CPPED1: variants seen among roughly 807,000 people sequenced by gnomAD.
The protein encoded by CPPED1 is serine/threonine-protein phosphatase CPPED1.
A neutral mutation model predicts 28.0 loss-of-function variants in CPPED1; 28 were observed. The ratio of observed to expected loss-of-function variants is 1.00; its 90% CI spans 0.74 to 1.37. The LOEUF (loss-of-function observed/expected upper bound fraction) is 1.37. CPPED1 is among the 40% of genes most tolerant of loss of function. CPPED1 has a pLI of 0.00. For synonymous variants in CPPED1, 198 were observed against 180.2 expected (o/e 1.10, Z -0.79); for missense variants, 504 against 416.5 (o/e 1.21, Z -1.83).
chr16:12,707,842 C>T (rs758912467), intron 2 of CPPED1, among the ~76,000 whole-genome samples: 26 of 152,118 alleles, frequency 1.7e-4, no homozygotes, highest in Non-Finnish European at 3.4e-4. Flanking sequence ...CCCTAAATTT[C>T]CTTCAGCAAA....
chr16:12,699,237 G>A (rs2141183673), intron 3 of CPPED1, among the ~76,000 whole-genome samples: 1 of 152,284 alleles, frequency 6.6e-6, no homozygotes, highest in East Asian at 1.9e-4. Flanking sequence ...GTGAAATGAA[G>A]ACAGAAAATA....
At chr16:12,704,453 G>T (rs1302805327) in intron 3 of CPPED1, among the ~76,000 whole-genome samples, 171 bp downstream of exon 3, 3 of 152,182 alleles carry the variant, frequency 2.0e-5, no homozygotes, top group Non-Finnish European at 4.4e-5. Context: ...TGAGGCACAG[G>T]AGGATTAACT....
At chr16:12,688,114 C>T (rs567931608) in intron 3 of CPPED1, among the ~76,000 whole-genome samples, 64 of 151,486 alleles carry the variant, frequency 4.2e-4, no homozygotes, top group African/African-American at 7.0e-4. Context: ...ACTGCAGCCT[C>T]GACCACCCCA....
At chr16:12,729,822 C>G (rs2080188294) in intron 2 of CPPED1, among the ~76,000 whole-genome samples, 1 of 152,162 alleles carries the variant, frequency 6.6e-6, no homozygotes, top group Non-Finnish European at 1.5e-5. Context: ...AATTTGGAAA[C>G]TGGAAAGTAC....
At chr16:12,798,998 A>G (rs1256243995) in intron 1 of CPPED1, among the ~76,000 whole-genome samples, 1 of 152,186 alleles carries the variant, frequency 6.6e-6, no homozygotes, top group Non-Finnish European at 1.5e-5. Context: ...TGTCACACAT[A>G]CCACTACTGG....
chr16:12,715,215 CAG>C (rs2080101185), intron 2 of CPPED1, among the ~76,000 whole-genome samples: 1 of 152,130 alleles, frequency 6.6e-6, no homozygotes, highest in South Asian at 2.1e-4. Flanking sequence ...AGTTTGAAAT[CAG>C]AAACTGTGAG....
At position 12,664,846 on chromosome 16, in the gene CPPED1, A is replaced by T. The variant is rs755026639; in HGVS notation, c.*40T>A. Reference sequence around the variant, plus strand: ...GCTGCTGTTTCTGGCAAAATAAAAAAATAGTGCAAGTGAAAAGTGAACGGG... The same window carrying T: ...GCTGCTGTTTCTGGCAAAATAAAAATATAGTGCAAGTGAAAAGTGAACGGG... On this transcript the variant is annotated 3_prime_UTR_variant, in exon 4 of 4. Transcript: ENST00000381774. This position sits in a 1 kb window ranked among gnomAD's most constrained non-coding sequence, Gnocchi z 4.2. The T allele has an allele frequency of 3.1e-6, 5 of 1,607,200 alleles. No homozygotes were observed. Among genetic ancestry groups the T allele is most frequent in the Non-Finnish European group, 4.2e-6 (5 of 1,178,250 alleles).
chr16:12,714,126 C>A (rs192286713), intron 2 of CPPED1, among the ~76,000 whole-genome samples: 1 of 152,282 alleles, frequency 6.6e-6, no homozygotes, highest in Non-Finnish European at 1.5e-5. Context: ...TCTTTAATTG[C>A]TGAATACTAT....
At chr16:12,785,487 C>T (rs1225733139) in intron 1 of CPPED1, among the ~76,000 whole-genome samples, 2 of 147,510 alleles carry the variant, frequency 1.4e-5, no homozygotes, top group Non-Finnish European at 3.0e-5. Flanking sequence ...CAGTGCAATG[C>T]TGCAATCTCT....
chr16:12,786,650 G>A (rs1184876819), intron 1 of CPPED1, among the ~76,000 whole-genome samples: 2 of 152,186 alleles, frequency 1.3e-5, no homozygotes, highest in African/African-American at 4.8e-5. Flanking sequence ...GTTGGGCATG[G>A]TGGCTCACAC....
At chr16:12,762,446 T>C (rs2080415163) in intron 2 of CPPED1, among the ~76,000 whole-genome samples, 1 of 152,194 alleles carries the variant, frequency 6.6e-6, no homozygotes, top group Non-Finnish European at 1.5e-5. Context: ...TTCTAAGAAT[T>C]TATCTCATAG....
chr16:12,734,981 A>C (rs538066458), intron 2 of CPPED1, among the ~76,000 whole-genome samples: 1 of 152,294 alleles, frequency 6.6e-6, no homozygotes, highest in East Asian at 1.9e-4. Flanking sequence ...AGGGAGGCTC[A>C]AGACAGATCT....
chr16:12,688,905 A>G (rs972096414), intron 3 of CPPED1, among the ~76,000 whole-genome samples: 9 of 152,256 alleles, frequency 5.9e-5, no homozygotes, highest in African/African-American at 1.9e-4. Context: ...CACGACACAC[A>G]GTCACATGTG....
intron 2 of CPPED1, among the ~76,000 whole-genome samples, chr16:12,724,914 G>C (rs1235419034): frequency 2.0e-5 from 3 of 151,912 alleles, no homozygotes; most frequent in Non-Finnish European, 4.4e-5. Context: ...AGCCTCCCGA[G>C]TAGCTGGGAC....
At chr16:12,723,414 G>C (rs1378147571) in intron 2 of CPPED1, among the ~76,000 whole-genome samples, 6 of 152,204 alleles carry the variant, frequency 3.9e-5, no homozygotes, top group Non-Finnish European at 8.8e-5. Flanking sequence ...AGGTAAGTAA[G>C]TTAAAGTGAG....
intron 1 of CPPED1, among the ~76,000 whole-genome samples, chr16:12,800,561 T>A (rs1262302915): frequency 1.3e-5 from 2 of 152,218 alleles, no homozygotes; most frequent in Non-Finnish European, 2.9e-5. Flanking sequence ...TTGTTGCCAT[T>A]GCTGCAATCA....
intron 2 of CPPED1, among the ~76,000 whole-genome samples, chr16:12,748,118 T>C (rs1352501591): frequency 3.9e-5 from 6 of 152,216 alleles, no homozygotes; most frequent in African/African-American, 1.4e-4. Context: ...GAAGTGATTA[T>C]TCCAGAATCT....
chr16:12,701,223 C>T (rs2080018858), intron 3 of CPPED1, among the ~76,000 whole-genome samples: 1 of 151,502 alleles, frequency 6.6e-6, no homozygotes, highest in South Asian at 2.1e-4. Context: ...AGTAAGACTC[C>T]ATCTCAAGAA....
intron 2 of CPPED1, among the ~76,000 whole-genome samples, chr16:12,714,248 G>A (rs890518424): frequency 2.0e-4 from 31 of 152,136 alleles, no homozygotes; most frequent in African/African-American, 7.5e-4. Context: ...AAAAATCCAC[G>A]TGCAAGTTTT....
Sources: allele counts gnomAD v4.1 joint callset (sites outside exome capture counted in the v4.1 genomes callset), GRCh38; gene constraint gnomAD v4.1.1; non-coding constraint Gnocchi (gnomAD v3.1); transcripts MANE v1.5; gene names NCBI Gene and HGNC (gene_info 2026-07-23, HGNC 2026-07-21).